The following KAZN variants were observed in gnomAD, a reference collection of about 807,000 sequenced individuals.
The protein encoded by KAZN is kazrin.
KAZN carries 40 observed loss-of-function variants against 87.4 expected under a neutral mutation model. That is an observed-to-expected ratio of 0.46 (90% CI 0.36 to 0.60). The LOEUF (loss-of-function observed/expected upper bound fraction) is 0.60, where lower values mean the gene tolerates loss of function less well. Among genes scored for constraint, KAZN ranks in the 20% least tolerant of loss-of-function variants. KAZN has a pLI of 0.00. For synonymous variants in KAZN, 466 were observed against 458.3 expected (o/e 1.02, Z -0.22); for missense variants, 898 against 1,073.9 (o/e 0.84, Z 2.29).
chr1:14,003,379 G>A (rs1191987638), intron 1 of KAZN, among the ~76,000 whole-genome samples: 1 of 151,164 alleles, frequency 6.6e-6, no homozygotes, highest in Non-Finnish European at 1.5e-5. Flanking sequence ...AAATGTATGT[G>A]GAAATGCAAG....
At position 14,674,443 on chromosome 1, in the gene KAZN, A is replaced by G. The variant is rs1044756049; in HGVS notation, c.226+75220A>G. On this transcript the variant is annotated intron_variant, in intron 1 of 14. Transcript: ENST00000376030. Reference sequence around the variant, plus strand: ...CTCCTGGAAGGAAGGGGCACTTTCTACATGCCAGATGAGTGCTTAGTGGCT... The same window carrying G: ...CTCCTGGAAGGAAGGGGCACTTTCTGCATGCCAGATGAGTGCTTAGTGGCT... Among the ~76,000 whole-genome samples, 14 of 152,346 alleles carry G rather than the reference A, an allele frequency of 9.2e-5. 2 individuals carry two copies. Among genetic ancestry groups the G allele is most frequent in the Middle Eastern group, 3.4e-3 (1 of 294 alleles).
At chr1:14,203,684 T>G (rs1379247901) in intron 2 of KAZN, among the ~76,000 whole-genome samples, 1 of 152,190 alleles carries the variant, frequency 6.6e-6, no homozygotes, top group African/African-American at 2.4e-5. Flanking sequence ...CATAACCCAA[T>G]AAACTTAGGT....
intron 3 of KAZN, 55 bp downstream of exon 3, chr1:15,034,940 C>A: frequency 6.2e-7 from 1 of 1,600,578 alleles, no homozygotes; most frequent in Non-Finnish European, 8.5e-7. Context: ...TCCCACCTCC[C>A]CTGCTGGCTG....
intron 1 of KAZN, among the ~76,000 whole-genome samples, chr1:13,997,599 C>T (rs1003440759): frequency 4.0e-5 from 6 of 151,406 alleles, no homozygotes; most frequent in African/African-American, 1.5e-4. Context: ...CTGAATCGAC[C>T]AAGCAGAAGA....
At chr1:14,349,670 A>G (rs966749100) in intron 2 of KAZN, among the ~76,000 whole-genome samples, 1 of 152,180 alleles carries the variant, frequency 6.6e-6, no homozygotes, top group African/African-American at 2.4e-5. Flanking sequence ...CCTGAATGAA[A>G]GAAACAGCCC....
chr1:14,969,288 C>T (rs1438241626), intron 2 of KAZN, among the ~76,000 whole-genome samples: 2 of 152,244 alleles, frequency 1.3e-5, no homozygotes, highest in Non-Finnish European at 2.9e-5. Context: ...TTCCCACATC[C>T]GCACTCCATT....
intron 1 of KAZN, among the ~76,000 whole-genome samples, chr1:14,824,127 AAAAAG>A (rs1356686165): frequency 6.6e-6 from 1 of 151,966 alleles, no homozygotes; most frequent in African/African-American, 2.4e-5. Context: ...AAAAAAAAAA[AAAAAG>A]GTTAAAAATC....
At chr1:13,988,630 T>C (rs1232532979) in intron 1 of KAZN, among the ~76,000 whole-genome samples, 1 of 152,148 alleles carries the variant, frequency 6.6e-6, no homozygotes, top group Non-Finnish European at 1.5e-5. Flanking sequence ...TAGGGTCTCA[T>C]TTAATCACAA....
In KAZN at chr1:15,112,542, G is replaced by A. The variant is rs769108457; in HGVS notation, c.2163+1G>A. On this transcript the variant is annotated splice_donor_variant, in intron 14 of 14. Coordinates refer to ENST00000376030, the MANE Select transcript of KAZN (RefSeq NM_201628.3). LOFTEE classifies it high-confidence loss of function. ...CGGTCTCAAGTACAAGGCTGGCCGG[G>A]TAAGTCTCTCAATGGATTTACCTGT... 2 of 1,530,250 alleles carry A rather than the reference G, an allele frequency of 1.3e-6. No individual in the cohort carries two copies. The highest frequency in any genetic ancestry group is 1.6e-5 in the African/African-American group (1 of 64,418). The allele number at this position is 1,530,250 out of a possible 1,614,324, so 94.8% of individuals were successfully genotyped here.
At chr1:13,910,272 G>T (rs567612515) in intron 1 of KAZN, among the ~76,000 whole-genome samples, 1 of 152,180 alleles carries the variant, frequency 6.6e-6, no homozygotes, top group Non-Finnish European at 1.5e-5. Flanking sequence ...ACTTTGGGAG[G>T]CTGAGGTGAG....
At chr1:15,032,773 A>T (rs1454559739) in intron 2 of KAZN, among the ~76,000 whole-genome samples, 1 of 151,674 alleles carries the variant, frequency 6.6e-6, no homozygotes, top group Non-Finnish European at 1.5e-5. Flanking sequence ...ACATGGTGAA[A>T]CCCCATCTCT....
chr1:14,891,820 G>A (rs1461610353), intron 1 of KAZN, among the ~76,000 whole-genome samples: 3 of 152,094 alleles, frequency 2.0e-5, no homozygotes, highest in African/African-American at 7.2e-5. Context: ...TTTATGCAAT[G>A]AATAGCTATT....
At chr1:14,450,795 G>A (rs934929528) in intron 2 of KAZN, among the ~76,000 whole-genome samples, 1 of 152,158 alleles carries the variant, frequency 6.6e-6, no homozygotes, top group Non-Finnish European at 1.5e-5. Flanking sequence ...GTGCTTGGCT[G>A]CTGATATAGT....
intron 2 of KAZN, among the ~76,000 whole-genome samples, chr1:14,357,970 A>G (rs1188086292): frequency 1.3e-5 from 2 of 152,058 alleles, no homozygotes; most frequent in Non-Finnish European, 2.9e-5. Flanking sequence ...CTCTTTTACT[A>G]TTGTTTGGAA....
intron 2 of KAZN, among the ~76,000 whole-genome samples, chr1:14,591,280 T>C (rs1676183777): frequency 6.6e-6 from 1 of 151,478 alleles, no homozygotes; most frequent in Non-Finnish European, 1.5e-5. Flanking sequence ...TCTCTGAGGG[T>C]GGAAATATTT....
intron 1 of KAZN, among the ~76,000 whole-genome samples, chr1:14,879,651 C>T (rs1400133535): frequency 6.6e-6 from 1 of 152,180 alleles, no homozygotes; most frequent in Non-Finnish European, 1.5e-5. Context: ...GAAAAATCTA[C>T]ACCACAGATT....
At chr1:14,212,764 G>C (rs1332442548) in intron 2 of KAZN, among the ~76,000 whole-genome samples, 1 of 152,166 alleles carries the variant, frequency 6.6e-6, no homozygotes, top group African/African-American at 2.4e-5. Flanking sequence ...ATATTTGTCT[G>C]TTCCTTCCAG....
intron 1 of KAZN, among the ~76,000 whole-genome samples, chr1:14,846,953 G>A (rs1237282620): frequency 2.6e-5 from 4 of 152,118 alleles, no homozygotes; most frequent in African/African-American, 9.7e-5. Flanking sequence ...GGGAGCGAGG[G>A]GCAGCAGGAA....
rs545421827 is a variant in KAZN, at chr1:14,397,357, A to G, written c.250-201626A>G. ...CTGGCTTGTAGATGGCCTCCTTCTC[A>G]TTGTGTCCTCATATGGTGCAGAGAG... On this transcript the variant is annotated intron_variant, in intron 2 of 16. Coordinates refer to the KAZN transcript ENST00000636203. Among the ~76,000 whole-genome samples, 4 of 152,248 alleles carry G rather than the reference A, an allele frequency of 2.6e-5. No individual in the cohort carries two copies. In the South Asian group the frequency reaches 8.3e-4, roughly 32 times the overall value.
Sources: gnomAD v4.1 joint callset for allele counts (sites outside exome capture counted in the v4.1 genomes callset) on GRCh38, gnomAD v4.1.1 for gene constraint, MANE v1.5 for transcripts, NCBI Gene and HGNC (gene_info 2026-07-23, HGNC 2026-07-21) for gene names.